Variants in KIF13B observed in about 807,000 individuals in gnomAD.
KIF13B encodes the protein kinesin family member 13B, also known as kinesin-like protein KIF13B.
In KIF13B, 127 loss-of-function variants were observed where a neutral mutation model predicts 222.0. That is an observed-to-expected ratio of 0.57 (90% CI 0.50 to 0.66). The LOEUF (loss-of-function observed/expected upper bound fraction) is 0.66. Ranked by LOEUF, KIF13B falls within the 30% of genes least tolerant of loss-of-function variation. The pLI is 0.00. For missense variants in KIF13B, 2,173 were observed against 2,379.0 expected, an observed-to-expected ratio of 0.91 and a Z score of 1.80; for synonymous variants, 976 against 919.0, an observed-to-expected ratio of 1.06 and a Z score of -1.12.
In KIF13B at chr8:29,181,950, C is replaced by T. The variant is rs1210154058; in HGVS notation, c.554G>A (p.Gly185Glu). Residue 185 changes from glycine to glutamate, a missense_variant, in exon 7 of 40, where the codon GGA becomes GAA. By Grantham distance (98) the Gly-to-Glu change is moderately conservative. Coordinates refer to ENST00000524189, the MANE Select transcript of KIF13B (RefSeq NM_015254.4). ...EHSVLGPYVD[G>E]LSKLAVTSYK... ...GCTTGTGACAGCCAGTTTAGAAAGTCCGTCGACATAAGGTCCCAACACACT... is the reference window on the plus strand; with the variant it reads ...GCTTGTGACAGCCAGTTTAGAAAGTTCGTCGACATAAGGTCCCAACACACT... The T allele has an allele frequency of 9.3e-6, 15 of 1,613,540 alleles. No individual in the cohort carries two copies. The highest frequency in any genetic ancestry group is 1.2e-5 in the Non-Finnish European group (14 of 1,179,720).
intron 10 of KIF13B, among the ~76,000 whole-genome samples, chr8:29,171,412 G>A (rs923026062): frequency 6.6e-6 from 1 of 151,760 alleles, no homozygotes; most frequent in East Asian, 1.9e-4. Context: ...CAATTACAAC[G>A]CAAATATGAG....
chr8:29,180,114 A>G lies in KIF13B; in HGVS notation c.710T>C (p.Val237Ala). ...KITLTHTLYD[V>A]KSGTSGEKVG... ...CATCTGAACACCTACCCCAGACTTCACATCGTAGAGAGTATGTGTGAGGGT... is the reference window on the plus strand; with the variant it reads ...CATCTGAACACCTACCCCAGACTTCGCATCGTAGAGAGTATGTGTGAGGGT... The change falls in exon 8 of 40, where the codon GTG becomes GCG. Residue 237 changes from valine (V) to alanine (A), a missense_variant. By Grantham distance (64) the Val-to-Ala change is moderately conservative (BLOSUM62 0). This residue lies in a region of KIF13B where 1,480 missense variants were observed against 1,722.8 expected (regional missense o/e 0.86). Transcript: ENST00000524189. The G allele has an allele frequency of 6.2e-7, 1 of 1,613,986 alleles. No individual in the cohort carries two copies. Among genetic ancestry groups the G allele is most frequent in the Non-Finnish European group, 8.5e-7 (1 of 1,179,866 alleles).
chr8:29,223,630 G>A (rs1487579774), intron 2 of KIF13B, among the ~76,000 whole-genome samples: 2 of 152,224 alleles, frequency 1.3e-5, no homozygotes, highest in African/African-American at 4.8e-5. Context: ...TAAAGATAGT[G>A]TATTCCTCTG....
intron 2 of KIF13B, among the ~76,000 whole-genome samples, chr8:29,224,597 C>T (rs1177011553): frequency 6.6e-6 from 1 of 152,116 alleles, no homozygotes; most frequent in Non-Finnish European, 1.5e-5. Flanking sequence ...GAAGGAATCG[C>T]TAAATTTCAT....
intron 31 of KIF13B, among the ~76,000 whole-genome samples, chr8:29,116,181 G>A (rs187592381): frequency 1.1e-3 from 161 of 152,348 alleles, no homozygotes; most frequent in African/African-American, 3.4e-3. Flanking sequence ...GCAGGCGTGC[G>A]CCACTGCACT....
chr8:29,263,224 G>A (rs1023965182), upstream of KIF13B: 37 of 557,104 alleles, frequency 6.6e-5, no homozygotes, highest in Admixed American at 8.0e-5. Context: ...GTCGTCGTGG[G>A]CGGGGCCGCA....
intron 1 of KIF13B, among the ~76,000 whole-genome samples, chr8:29,252,014 A>AAAAAAAG (rs1186913266): frequency 2.6e-5 from 4 of 152,068 alleles, no homozygotes; most frequent in Non-Finnish European, 4.4e-5. Context: ...AAAGAAAGGA[A>AAAAAAAG]AAAAAAGGAA....
rs745568303 is a variant in KIF13B, at chr8:29,146,352, T to C, written c.2187+26A>G. 7 of 1,612,560 alleles carry C rather than the reference T, an allele frequency of 4.3e-6. No homozygotes were observed. The East Asian group carries it at 8.9e-5, about 21-fold the overall frequency. On this transcript the variant is annotated intron_variant, in intron 18 of 39. Coordinates refer to ENST00000524189, the MANE Select transcript of KIF13B (RefSeq NM_015254.4). ...GCGATCTTATCCAATGAGATCTTTG[T>C]TTTTTTCAAGGAACGGCAACCTCAC...
intron 35 of KIF13B, among the ~76,000 whole-genome samples, chr8:29,106,045 AG>A (rs892036758): frequency 6.6e-6 from 1 of 152,206 alleles, no homozygotes; most frequent in Admixed American, 6.5e-5. Flanking sequence ...ACAAAAGCAC[AG>A]GAAGTCATGT....
chr8:29,124,883 C>A (rs1262914582), intron 26 of KIF13B, among the ~76,000 whole-genome samples: 27 of 125,706 alleles, frequency 2.1e-4, no homozygotes, highest in Non-Finnish European at 2.9e-4. Context: ...AACTCCATCC[C>A]AAAAAAAAAA....
intron 2 of KIF13B, among the ~76,000 whole-genome samples, chr8:29,226,566 C>T (rs1015280599): frequency 2.0e-5 from 3 of 152,184 alleles, no homozygotes; most frequent in African/African-American, 4.8e-5. Context: ...GCAATTCCAT[C>T]ACTTTCCCAG....
chr8:29,149,905 A>G (rs1023845385), intron 15 of KIF13B, among the ~76,000 whole-genome samples: 8 of 152,212 alleles, frequency 5.3e-5, no homozygotes, highest in African/African-American at 1.9e-4. Context: ...AAGAATTCCT[A>G]AAAGAACCTT....
At chr8:29,195,764 C>T (rs955313295) in intron 3 of KIF13B, among the ~76,000 whole-genome samples, 3 of 152,204 alleles carry the variant, frequency 2.0e-5, no homozygotes, top group Non-Finnish European at 4.4e-5. Flanking sequence ...GAGGATGAGT[C>T]GGTTTTGACC....
At chr8:29,081,892 TC>T (rs1356704244) in intron 37 of KIF13B, among the ~76,000 whole-genome samples, 3 of 152,254 alleles carry the variant, frequency 2.0e-5, no homozygotes, top group Admixed American at 6.5e-5. Context: ...TGTCTGGTCT[TC>T]CTGGATATTT....
At chr8:29,166,158 G>A (rs927606599) in intron 11 of KIF13B, among the ~76,000 whole-genome samples, 1 of 152,134 alleles carries the variant, frequency 6.6e-6, no homozygotes, top group African/African-American at 2.4e-5. Flanking sequence ...CATATGTACA[G>A]ACTAAATGTG....
intron 2 of KIF13B, among the ~76,000 whole-genome samples, chr8:29,223,239 G>C (rs1018313275): frequency 6.7e-6 from 1 of 150,176 alleles, no homozygotes; most frequent in African/African-American, 2.4e-5. Context: ...TGGGGGCTGA[G>C]GCGGGAGGAT....
intron 16 of KIF13B, 23 bp from the exon 17 acceptor site, chr8:29,147,625 T>C: frequency 1.9e-6 from 3 of 1,541,056 alleles, no homozygotes; most frequent in Non-Finnish European, 2.7e-6. Flanking sequence ...TTAAAAAAGA[T>C]ACATGATCGA....
intron 37 of KIF13B, among the ~76,000 whole-genome samples, chr8:29,083,701 A>C (rs1415101454): frequency 6.6e-6 from 1 of 151,726 alleles, no homozygotes; most frequent in Non-Finnish European, 1.5e-5. Context: ...GTGCCTAAAA[A>C]CTCCTCCCTA....
chr8:29,102,390 A>G (rs566925521), intron 35 of KIF13B, among the ~76,000 whole-genome samples: 1 of 152,314 alleles, frequency 6.6e-6, no homozygotes, highest in Non-Finnish European at 1.5e-5. Flanking sequence ...TTTGTTTTGG[A>G]TCCTTACCCA....
Sources: gnomAD v4.1 joint callset for allele counts (sites outside exome capture counted in the v4.1 genomes callset) on GRCh38, gnomAD v4.1.1 for gene constraint, gnomAD v4.1.1 regional missense constraint, MANE v1.5 for transcripts, NCBI Gene and HGNC (gene_info 2026-07-23, HGNC 2026-07-21) for gene names.